The following DMRTA1 variants were observed in gnomAD, a reference collection of about 807,000 sequenced individuals.
DMRTA1 encodes the protein DMRT like family A1.
In DMRTA1, 34 loss-of-function variants were observed where a neutral mutation model predicts 35.2. The ratio of observed to expected loss-of-function variants is 0.97; its 90% CI spans 0.74 to 1.29. DMRTA1 has a LOEUF of 1.29. DMRTA1 is among the 50% of genes most tolerant of loss of function. DMRTA1 has a pLI of 0.00. For synonymous variants in DMRTA1, 344 were observed against 276.6 expected (o/e 1.24, Z -2.42); for missense variants, 824 against 644.6 (o/e 1.28, Z -3.01).
chr9:22,450,010 A>G (rs909048111), intron 1 of DMRTA1, among the ~76,000 whole-genome samples: 4 of 152,126 alleles, frequency 2.6e-5, no homozygotes, highest in African/African-American at 7.2e-5. Context: ...ACTCTTACCT[A>G]TATATCTCTA....
rs1054207836 is a variant in DMRTA1, at chr9:22,447,186, A to G, written c.121A>G (p.Met41Val). Residue 41 changes from methionine to valine, a missense_variant, in exon 1 of 2, where the codon ATG (methionine) becomes GTG (valine). By Grantham distance (21) the Met-to-Val change is conservative (BLOSUM62 1). Coordinates refer to ENST00000325870, the MANE Select transcript of DMRTA1 (RefSeq NM_022160.3). The part of the protein sequence containing the change: ...PSPALPVPSG[M>V]QVPPAFLRPP... ...CCCGGCGTTGCCGGTACCATCGGGG[A>G]TGCAGGTTCCCCCAGCGTTCCTGCG... is the stretch of plus-strand genomic sequence containing the variant. 2 of 1,596,776 alleles carry G rather than the reference A, an allele frequency of 1.3e-6. No individual in the cohort carries two copies. Among genetic ancestry groups the G allele is most frequent in the Non-Finnish European group, 1.7e-6 (2 of 1,173,714 alleles).
chr9:22,447,437 C>T lies in DMRTA1; in HGVS notation c.372C>T (p.Ala124=). 6.4e-7 allele frequency: 1 copy of T among 1,552,940 alleles called. No individual in the cohort carries two copies. Among genetic ancestry groups the T allele is most frequent in the Non-Finnish European group, 8.7e-7 (1 of 1,150,104 alleles). Residue 124 remains alanine, a synonymous_variant, in exon 1 of 2, where the codon GCC becomes GCT. Transcript: ENST00000325870. ...GCCGCTGGCGGGACTGCGCGTGTGC[C>T]AAGTGCACCCTGATCGCCGAGCGCC... ...RFCRWRDCAC[A]KCTLIAERQR...
At chr9:22,449,112 C>T (rs1818884858) in intron 1 of DMRTA1, among the ~76,000 whole-genome samples, 1 of 152,108 alleles carries the variant, frequency 6.6e-6, no homozygotes. Context: ...GATGATGCCC[C>T]CTCCCCCATA....
rs979431861 is a variant in DMRTA1 at position 22,455,681 on chromosome 9, C to T, written c.*3770C>T. On this transcript the variant is annotated 3_prime_UTR_variant, in exon 2 of 2. Transcript: ENST00000325870. ...AGCCACGTGTTTTGTAACATATTCT[C>T]GTATATGTTATTTGGATTATTTTCA... 2.0e-5 allele frequency: 3 copies of T among 151,976 alleles called. No homozygotes were observed. Among genetic ancestry groups the T allele is most frequent in the Admixed American group, 6.6e-5 (1 of 15,254 alleles). The allele number at this position is 151,976 out of a possible 1,614,324, so 9.4% of individuals were successfully genotyped here. A position where few individuals can be genotyped will look rare whatever the true frequency, so the allele number is the denominator to read the frequency against.
chr9:22,448,503 T>G (rs1007802786), intron 1 of DMRTA1, among the ~76,000 whole-genome samples: 1 of 152,186 alleles, frequency 6.6e-6, no homozygotes, highest in Non-Finnish European at 1.5e-5. Context: ...ATTTTTTGAC[T>G]GCGAGTCAGT....
rs564754414 is a variant in DMRTA1, at chr9:22,447,344, G to A, written c.279G>A (p.Arg93=). 3 of 1,530,834 alleles carry A rather than the reference G, an allele frequency of 2.0e-6. No individual in the cohort carries two copies. The South Asian group carries it at 3.6e-5, about 19-fold the overall frequency. The allele number at this position is 1,530,834 out of a possible 1,614,324, so 94.8% of individuals were successfully genotyped here. ...GCGCGGTGGGCTGCGGCTACCCGCG[G>A]ACGCCCAAGTGCGCCCGCTGTCGTA... ...GVGAVGCGYP[R]TPKCARCRNH... Residue 93 remains arginine, a synonymous_variant, in exon 1 of 2, where the codon CGG becomes CGA. Transcript: ENST00000325870.
chr9:22,447,340 C>T lies in DMRTA1; in HGVS notation c.275C>T (p.Pro92Leu), dbSNP rs775598674. Reference sequence around the variant, plus strand: ...GTAGGCGCGGTGGGCTGCGGCTACCCGCGGACGCCCAAGTGCGCCCGCTGT... The same window carrying T: ...GTAGGCGCGGTGGGCTGCGGCTACCTGCGGACGCCCAAGTGCGCCCGCTGT... Reference protein sequence around the residue: ...SGVGAVGCGYPRTPKCARCRN... With the variant: ...SGVGAVGCGYLRTPKCARCRN... Residue 92 changes from proline (P) to leucine (L), a missense_variant, in exon 1 of 2, where the codon CCG becomes CTG. Pro to Leu is a moderately conservative substitution (Grantham distance 98). Coordinates refer to ENST00000325870, the MANE Select transcript of DMRTA1 (RefSeq NM_022160.3). 28 of 1,530,558 alleles carry T rather than the reference C, an allele frequency of 1.8e-5. No individual in the cohort carries two copies. The highest frequency in any genetic ancestry group is 2.4e-5 in the South Asian group (2 of 82,502). The allele number at this position is 1,530,558 out of a possible 1,614,324, so 94.8% of individuals were successfully genotyped here.
chr9:22,452,075 A>T lies in DMRTA1; in HGVS notation c.*164A>T. On this transcript the variant is annotated 3_prime_UTR_variant, in exon 2 of 2. Coordinates refer to ENST00000325870, the MANE Select transcript of DMRTA1 (RefSeq NM_022160.3). ...TTTTTCAAGCAATATAATAGGTCTT[A>T]GATCTGAAAACTCTTCATTAGGATT... 1.4e-6 allele frequency: 1 copy of T among 736,710 alleles called. No individual in the cohort carries two copies. The highest frequency in any genetic ancestry group is 2.1e-6 in the Non-Finnish European group (1 of 486,602). The allele number at this position is 736,710 out of a possible 1,614,324, so 45.6% of individuals were successfully genotyped here.
chr9:22,447,791 T>G, intron 1 of DMRTA1, 59 bp downstream of exon 1: 4 of 1,596,764 alleles, frequency 2.5e-6, no homozygotes, highest in Non-Finnish European at 3.4e-6. Context: ...AAAGAAACTC[T>G]GAAACAAGCC....
rs1171916058 is a variant in DMRTA1, at chr9:22,455,417, G to A, written c.*3506G>A. On this transcript the variant is annotated 3_prime_UTR_variant, in exon 2 of 2. Transcript: ENST00000325870. The stretch of plus-strand genomic sequence containing the variant: ...ACTTGCAAGATTCGTGGAGATAAAA[G>A]CTTAAATAAACGGCAGAGTACAGTA... The A allele has an allele frequency of 6.6e-6, 1 of 152,272 alleles. No homozygotes were observed. The highest frequency in any genetic ancestry group is 2.1e-4 in the South Asian group (1 of 4,822). 9.4% of individuals were successfully genotyped at this position (152,272 alleles called of 1,614,324 possible).
At chr9:22,449,533 C>T (rs1433299167) in intron 1 of DMRTA1, among the ~76,000 whole-genome samples, 1 of 152,052 alleles carries the variant, frequency 6.6e-6, no homozygotes, top group Non-Finnish European at 1.5e-5. Context: ...TGATTTCATG[C>T]ATAAATTGCT....
chr9:22,451,636 A>T lies in DMRTA1; in HGVS notation c.1240A>T (p.Thr414Ser), dbSNP rs1230512739. 6.2e-7 allele frequency: 1 copy of T among 1,613,954 alleles called. No individual in the cohort carries two copies. Among genetic ancestry groups the T allele is most frequent in the Non-Finnish European group, 8.5e-7 (1 of 1,179,960 alleles). Reference sequence around the variant, plus strand: ...TAAATCAGCTTTCTCTCCTCTTCAAACTACTTCTGCTTCTTATGGAGGTGA... The same window carrying T: ...TAAATCAGCTTTCTCTCCTCTTCAATCTACTTCTGCTTCTTATGGAGGTGA... The part of the protein sequence containing the change: ...GNKSAFSPLQ[T>S]TSASYGGDSS... The change falls in exon 2 of 2, where the codon ACT becomes TCT. Residue 414 changes from threonine (T) to serine (S), a missense_variant. By Grantham distance (58) the Thr-to-Ser change is moderately conservative. Transcript: ENST00000325870.
intron 1 of DMRTA1, among the ~76,000 whole-genome samples, chr9:22,448,797 T>C (rs571299590): frequency 1.9e-4 from 29 of 152,348 alleles, no homozygotes; most frequent in African/African-American, 6.5e-4. Context: ...ATTCTGTGAA[T>C]TGAAATGAGG....
chr9:22,454,886 G>A lies in DMRTA1; in HGVS notation c.*2975G>A, dbSNP rs1378466983. On this transcript the variant is annotated 3_prime_UTR_variant, in exon 2 of 2. Transcript: ENST00000325870. ...ATGCATGTAGAAAATACCAATCAGA[G>A]CCTGATTGATGGGATTTTTAATTAC... 1 of 152,100 alleles carries A rather than the reference G, an allele frequency of 6.6e-6. No homozygotes were observed. Among genetic ancestry groups the A allele is most frequent in the African/African-American group, 2.4e-5 (1 of 41,408 alleles). The allele number at this position is 152,100 out of a possible 1,614,324, so 9.4% of individuals were successfully genotyped here. A position where few individuals can be genotyped will look rare whatever the true frequency, so the allele number is the denominator to read the frequency against.
At position 22,454,173 on chromosome 9, in the gene DMRTA1, C is replaced by G. The variant is rs889139098; in HGVS notation, c.*2262C>G. 1 of 151,908 alleles carries G rather than the reference C, an allele frequency of 6.6e-6. No individual in the cohort carries two copies. The highest frequency in any genetic ancestry group is 1.5e-5 in the Non-Finnish European group (1 of 67,944). 9.4% of individuals were successfully genotyped at this position (151,908 alleles called of 1,614,324 possible). ...TCAGTAGTATATGAGGAAATTGGGG[C>G]TCAGCAGTAGGGTTTTTTCTCCCTA... On this transcript the variant is annotated 3_prime_UTR_variant, in exon 2 of 2. Transcript: ENST00000325870.
Position 22,447,446 on chromosome 9 carries a change from C to T in DMRTA1, c.381C>T (p.Thr127=), listed in dbSNP as rs749373349. The change falls in exon 1 of 2, where the codon ACC becomes ACT. Residue 127 remains threonine (T), a synonymous_variant. Coordinates refer to ENST00000325870, the MANE Select transcript of DMRTA1 (RefSeq NM_022160.3). ...GGGACTGCGCGTGTGCCAAGTGCAC[C>T]CTGATCGCCGAGCGCCAGCGCGTCA... ...RWRDCACAKC[T]LIAERQRVMA... The T allele has an allele frequency of 6.4e-7, 1 of 1,553,396 alleles. No individual in the cohort carries two copies. The highest frequency in any genetic ancestry group is 8.7e-7 in the Non-Finnish European group (1 of 1,150,316).
rs774537953 is a variant in DMRTA1, at chr9:22,447,055, A to G, written c.-11A>G. The G allele has an allele frequency of 3.7e-6, 6 of 1,605,542 alleles. No individual in the cohort carries two copies. The South Asian group carries it at 5.6e-5, about 15-fold the overall frequency. On this transcript the variant is annotated 5_prime_UTR_variant, in exon 1 of 2. Coordinates refer to ENST00000325870, the MANE Select transcript of DMRTA1 (RefSeq NM_022160.3). Reference sequence around the variant, plus strand: ...TTCCACTTGGGACTCCCGGCCAGAAATTTCTCGGGAATGGAGCGGTCACAG... The same window carrying G: ...TTCCACTTGGGACTCCCGGCCAGAAGTTTCTCGGGAATGGAGCGGTCACAG...
Position 22,451,761 on chromosome 9 carries a change from C to G in DMRTA1, c.1365C>G (p.Tyr455Ter). 1 of 1,614,104 alleles carries G rather than the reference C, an allele frequency of 6.2e-7. No individual in the cohort carries two copies. The highest frequency in any genetic ancestry group is 8.5e-7 in the Non-Finnish European group (1 of 1,179,934). Reference protein sequence around the residue: ...GRGLSGFMSPYLTPGLVPTLP... With the variant: ...GRGLSGFMSP ...GGTTATCTGGTTTTATGTCACCCTA[C>G]CTAACACCTGGGTTAGTACCAACCT... Residue 455 changes from tyrosine (Y) to a stop codon, truncating the protein, a stop_gained, in exon 2 of 2, where the codon TAC (tyrosine) becomes TAG (stop). Transcript: ENST00000325870. LOFTEE classifies it high-confidence loss of function.
Position 22,451,567 on chromosome 9 carries a change from T to C in DMRTA1, c.1171T>C (p.Ser391Pro). The C allele has an allele frequency of 1.2e-6, 2 of 1,614,140 alleles. No individual in the cohort carries two copies. Among genetic ancestry groups the C allele is most frequent in the Non-Finnish European group, 1.7e-6 (2 of 1,179,970 alleles). ...GGAAAACACAGCCTTTCAGAGAGCT[T>C]CAAGTTTTAGTCTTGCTGGAATTGG... ...ELENTAFQRASSFSLAGIGFG... is the reference protein window; with the variant it reads ...ELENTAFQRAPSFSLAGIGFG... Residue 391 changes from serine to proline, a missense_variant, in exon 2 of 2, where the codon TCA (serine) becomes CCA (proline). Coordinates refer to ENST00000325870, the MANE Select transcript of DMRTA1 (RefSeq NM_022160.3).
Sources: allele counts gnomAD v4.1 joint callset (sites outside exome capture counted in the v4.1 genomes callset), GRCh38; gene constraint gnomAD v4.1.1; transcripts MANE v1.5; gene names NCBI Gene and HGNC (gene_info 2026-07-23, HGNC 2026-07-21).